Variants in PCDHGA6 observed in about 807,000 individuals in gnomAD.
PCDHGA6 encodes the protein protocadherin gamma-A6.
A neutral mutation model predicts 60.6 loss-of-function variants in PCDHGA6; 41 were observed. The observed-to-expected ratio is 0.68, with a 90% CI of 0.53 to 0.88. The LOEUF is 0.88. Among genes scored for constraint, PCDHGA6 ranks in the 40% least tolerant of loss-of-function variants. The pLI is 0.00. For synonymous variants in PCDHGA6, 594 were observed against 524.4 expected (o/e 1.13, Z -1.81); for missense variants, 1,312 against 1,203.0 (o/e 1.09, Z -1.34).
intron 1 of PCDHGA6, chr5:141,427,435 T>C (rs536693959): frequency 2.1e-6 from 1 of 474,160 alleles, no homozygotes; most frequent in African/African-American, 2.0e-5. Flanking sequence ...ACATGCCTCA[T>C]AAACGAAAGA....
At position 141,412,987 on chromosome 5, in the gene PCDHGA6, A is replaced by G. The variant is rs192699644; in HGVS notation, c.2424+36480A>G. The G allele has an allele frequency of 3.7e-3, 2,104 of 564,638 alleles. 8 individuals carry two copies. Among genetic ancestry groups the G allele is most frequent in the Admixed American group, 0.011 (308 of 27,526 alleles). 35.0% of individuals were successfully genotyped at this position (564,638 alleles called of 1,614,324 possible). ...AGGAGAGAAAACGCAGCCAGAGCTCAATCCGGATTCTCAGGGCTTCAACTA... is the reference window on the plus strand; with the variant it reads ...AGGAGAGAAAACGCAGCCAGAGCTCGATCCGGATTCTCAGGGCTTCAACTA... On this transcript the variant is annotated intron_variant, in intron 1 of 3. Transcript: ENST00000517434.
chr5:141,376,790 C>T (rs993106299), intron 1 of PCDHGA6: 2 of 364,964 alleles, frequency 5.5e-6, no homozygotes, highest in Non-Finnish European at 9.9e-6. Context: ...GGGTTCACGC[C>T]ATTCTCCTGC....
intron 1 of PCDHGA6, chr5:141,409,705 G>A (rs747252229): frequency 6.2e-6 from 10 of 1,613,134 alleles, no homozygotes; most frequent in Non-Finnish European, 7.6e-6. Flanking sequence ...CCCTGGCGGT[G>A]TCGTCATACG....
intron 1 of PCDHGA6, chr5:141,408,869 A>G (rs754873472): frequency 1.9e-6 from 3 of 1,613,572 alleles, no homozygotes; most frequent in African/African-American, 2.7e-5. Flanking sequence ...CCCACCAAGA[A>G]GTGCCACCGC....
At chr5:141,404,897 C>A in intron 1 of PCDHGA6, 1 of 1,613,920 alleles carries the variant, frequency 6.2e-7, no homozygotes, top group African/African-American at 1.3e-5. Context: ...TGTACAGGAC[C>A]ATGGCCAGCC....
chr5:141,427,960 G>A, intron 1 of PCDHGA6: 2 of 1,589,168 alleles, frequency 1.3e-6, no homozygotes, highest in East Asian at 2.2e-5. Context: ...AATGTGCCGC[G>A]GGTGCTGTAC....
intron 1 of PCDHGA6, 157 bp from the exon 2 acceptor site, chr5:141,494,650 T>G (rs1366776271): frequency 1.0e-6 from 1 of 960,138 alleles, no homozygotes; most frequent in East Asian, 1.1e-4. Context: ...CTGAGGTGTA[T>G]TTTGTCTTTG....
Position 141,395,117 on chromosome 5 carries a change from G to C in PCDHGA6, c.2424+18610G>C. 4 of 1,614,192 alleles carry C rather than the reference G, an allele frequency of 2.5e-6. No homozygotes were observed. The South Asian group carries it at 4.4e-5, about 18-fold the overall frequency. ...CCGCCGACTCGCGGAAGAGTCACCT[G>C]ATCTTTCCCCAGCCCAACTACGCAG... On this transcript the variant is annotated intron_variant, in intron 1 of 3. Coordinates refer to ENST00000517434, the MANE Select transcript of PCDHGA6 (RefSeq NM_018919.3).
chr5:141,509,148 C>T (rs1345910772), intron 3 of PCDHGA6, among the ~76,000 whole-genome samples: 1 of 152,198 alleles, frequency 6.6e-6, no homozygotes, highest in Non-Finnish European at 1.5e-5. Context: ...CATCCCGGCT[C>T]TCCCCTCCCG....
intron 1 of PCDHGA6, among the ~76,000 whole-genome samples, chr5:141,460,640 TGTTTACACATA>T (rs2098994223): frequency 6.6e-6 from 1 of 152,096 alleles, no homozygotes; most frequent in Admixed American, 6.6e-5. Flanking sequence ...TATATAACTG[TGTTTACACATA>T]TGTAACTGTA....
rs766092387 is a variant in PCDHGA6 at position 141,491,171 on chromosome 5, T to C, written c.2425-3636T>C. 7.4e-6 allele frequency: 12 copies of C among 1,613,968 alleles called. No individual in the cohort carries two copies. The highest frequency in any genetic ancestry group is 1.3e-5 in the African/African-American group (1 of 74,904). On this transcript the variant is annotated intron_variant, in intron 1 of 3. Coordinates refer to ENST00000517434, the MANE Select transcript of PCDHGA6 (RefSeq NM_018919.3). The surrounding 1 kb of genome is among the most constrained non-coding windows in gnomAD (Gnocchi z 6.9). The stretch of plus-strand genomic sequence containing the variant: ...GAGGATGACTCTGACACCCAGCAGG[T>C]GGTGGTCCTGGTGAGGGACAATGGT...
At chr5:141,428,034 T>A (rs768728101) in intron 1 of PCDHGA6, 8 of 1,607,778 alleles carry the variant, frequency 5.0e-6, no homozygotes, top group Middle Eastern at 1.7e-4. Context: ...AGAGTCCGGC[T>A]ACCTGGTGAC....
intron 1 of PCDHGA6, chr5:141,478,401 T>G: frequency 6.2e-7 from 1 of 1,613,480 alleles, no homozygotes; most frequent in South Asian, 1.1e-5. Context: ...CAGGTGTATC[T>G]CACCACGGAC....
chr5:141,375,476 A>G lies in PCDHGA6; in HGVS notation c.1393A>G (p.Asn465Asp). The G allele has an allele frequency of 6.2e-7, 1 of 1,613,926 alleles. No individual in the cohort carries two copies. Among genetic ancestry groups the G allele is most frequent in the Non-Finnish European group, 8.5e-7 (1 of 1,179,980 alleles). ...SSYSVYVLEN[N>D]PRGASIFSVN... The stretch of plus-strand genomic sequence containing the variant: ...CTACTCAGTCTATGTCCTTGAAAAC[A>G]ACCCCAGGGGTGCCTCCATCTTCTC... The change falls in exon 1 of 4, where the codon AAC becomes GAC. Residue 465 changes from asparagine to aspartate, a missense_variant. Physicochemically the swap from Asn to Asp is conservative, Grantham distance 23 (BLOSUM62 1). Coordinates refer to ENST00000517434, the MANE Select transcript of PCDHGA6 (RefSeq NM_018919.3).
chr5:141,485,275 G>T lies in PCDHGA6; in HGVS notation c.2425-9532G>T, dbSNP rs77402299. ...ACGTTTGTGGGCAGATCCGCTACCC[G>T]GTCCCAGAGGAGTCACAGGAAGGGA... is the stretch of plus-strand genomic sequence containing the variant. On this transcript the variant is annotated intron_variant, in intron 1 of 3. Coordinates refer to ENST00000517434, the MANE Select transcript of PCDHGA6 (RefSeq NM_018919.3). The surrounding 1 kb of genome is among the most constrained non-coding windows in gnomAD (Gnocchi z 5.7). 1.1e-5 allele frequency: 18 copies of T among 1,614,072 alleles called. No individual in the cohort carries two copies. The South Asian group carries it at 1.4e-4, about 13-fold the overall frequency.
At chr5:141,391,287 A>G (rs1429932607) in intron 1 of PCDHGA6, 1 of 152,126 alleles carries the variant, frequency 6.6e-6, no homozygotes, top group Non-Finnish European at 1.5e-5. Flanking sequence ...TTGCTGAAAG[A>G]AGGAAACGTC....
intron 1 of PCDHGA6, chr5:141,479,269 A>G (rs1279389471): frequency 6.6e-6 from 1 of 152,374 alleles, no homozygotes; most frequent in African/African-American, 2.4e-5. Flanking sequence ...TAAAAGTAAT[A>G]ATTTATTTCA....
intron 1 of PCDHGA6, chr5:141,426,438 G>A (rs567163831): frequency 4.7e-5 from 14 of 300,110 alleles, no homozygotes; most frequent in Admixed American, 1.7e-4. Context: ...GGAACCTTGC[G>A]GAGGACATGC....
intron 1 of PCDHGA6, chr5:141,428,311 G>A: frequency 3.0e-6 from 2 of 671,726 alleles, no homozygotes; most frequent in Non-Finnish European, 5.3e-6. Context: ...CCTGGTCGTG[G>A]CCTTGGCCTT....
Sources: gnomAD v4.1 joint callset for allele counts (sites outside exome capture counted in the v4.1 genomes callset) on GRCh38, gnomAD v4.1.1 for gene constraint, Gnocchi (gnomAD v3.1) non-coding constraint, MANE v1.5 for transcripts, NCBI Gene and HGNC (gene_info 2026-07-23, HGNC 2026-07-21) for gene names.